The following ANK3 variants were observed in gnomAD, a reference collection of about 807,000 sequenced individuals.
The protein encoded by ANK3 is ankyrin 3, also known as ankyrin-3.
In ANK3, 57 loss-of-function variants were observed where a neutral mutation model predicts 370.9. The ratio of observed to expected loss-of-function variants is 0.15; its 90% CI spans 0.12 to 0.19. ANK3 has a LOEUF of 0.19. Among genes scored for constraint, ANK3 ranks in the 10% least tolerant of loss-of-function variants. The pLI is 1.00. For missense variants in ANK3, 4,439 were observed against 5,302.1 expected, an observed-to-expected ratio of 0.84 and a Z score of 5.06; for synonymous variants, 1,929 against 1,946.3, an observed-to-expected ratio of 0.99 and a Z score of 0.23.
chr10:60,692,358 C>T (rs1262603335), intron 1 of ANK3, among the ~76,000 whole-genome samples: 1 of 152,172 alleles, frequency 6.6e-6, no homozygotes, highest in African/African-American at 2.4e-5. Context: ...CATGGGCTGC[C>T]TCAAATGAGG....
intron 1 of ANK3, among the ~76,000 whole-genome samples, chr10:60,306,051 C>A (rs1220576755): frequency 6.6e-6 from 1 of 151,870 alleles, no homozygotes; most frequent in African/African-American, 2.4e-5. Flanking sequence ...TTAACTGAAC[C>A]CCTTCCTTTT....
rs1386316722 is a variant in ANK3 at position 60,075,652 on chromosome 10, T to C, written c.5229A>G (p.Glu1743=). The stretch of plus-strand genomic sequence containing the variant: ...CAGAGTTTGTAGCAGAAGAAATTTT[T>C]TCCTGTAACGTGGCAGTGGCTTTGC... ...NGCKATATLQ[E]KISSATNSVS... The change falls in exon 37 of 44, where the codon GAA becomes GAG. Residue 1743 remains glutamate (E), a synonymous_variant. Coordinates refer to ENST00000280772, the MANE Select transcript of ANK3 (RefSeq NM_020987.5). 1 of 1,614,140 alleles carries C rather than the reference T, an allele frequency of 6.2e-7. No individual in the cohort carries two copies. The highest frequency in any genetic ancestry group is 8.5e-7 in the Non-Finnish European group (1 of 1,179,994).
chr10:60,206,240 A>G (rs1246496442), intron 10 of ANK3, among the ~76,000 whole-genome samples: 1 of 152,172 alleles, frequency 6.6e-6, no homozygotes, highest in Non-Finnish European at 1.5e-5. Flanking sequence ...TGGGAGGCTG[A>G]GGTGGGTGGA....
intron 2 of ANK3, among the ~76,000 whole-genome samples, chr10:60,395,028 A>G (rs1455454285): frequency 6.6e-6 from 1 of 152,216 alleles, no homozygotes; most frequent in Non-Finnish European, 1.5e-5. Flanking sequence ...TAACTGGAGA[A>G]CTAAATATTT....
intron 1 of ANK3, among the ~76,000 whole-genome samples, chr10:60,298,052 G>T (rs1356642362): frequency 6.6e-6 from 1 of 151,932 alleles, no homozygotes; most frequent in Non-Finnish European, 1.5e-5. Flanking sequence ...TTTCTATTTG[G>T]CATTATAGGG....
chr10:60,310,099 A>AT (rs2046040701), intron 1 of ANK3, among the ~76,000 whole-genome samples: 1 of 151,586 alleles, frequency 6.6e-6, no homozygotes, highest in African/African-American at 2.4e-5. Context: ...CTAATTTTTT[A>AT]TTTTTTGTAG....
intron 2 of ANK3, among the ~76,000 whole-genome samples, chr10:60,490,234 A>C (rs1238095314): frequency 1.3e-5 from 2 of 152,158 alleles, no homozygotes; most frequent in Non-Finnish European, 2.9e-5. Flanking sequence ...TGGTTCTCAG[A>C]GTCTTATCTA....
At chr10:60,043,618 A>C in intron 42 of ANK3, 1 of 985,416 alleles carries the variant, frequency 1.0e-6, no homozygotes, top group Non-Finnish European at 1.2e-6. Context: ...AACATACTGG[A>C]AAGAGAAAAT....
At chr10:60,173,224 T>C in intron 18 of ANK3, 38 bp from the exon 19 acceptor site, 2 of 1,477,286 alleles carry the variant, frequency 1.4e-6, no homozygotes, top group Non-Finnish European at 1.9e-6. Flanking sequence ...AGCATCATAA[T>C]TACACTTTTA....
chr10:60,315,507 A>T lies in ANK3; in HGVS notation c.115-35868T>A, dbSNP rs77229279. Reference sequence around the variant, plus strand: ...TTCAAGCACTTATCAACTAAAAAGTAAAAACGGTCCAGAATCACTGATTCT... The same window carrying T: ...TTCAAGCACTTATCAACTAAAAAGTTAAAACGGTCCAGAATCACTGATTCT... On this transcript the variant is annotated intron_variant, in intron 1 of 43. Transcript: ENST00000280772. Among the ~76,000 whole-genome samples, 45 of 152,294 alleles carry T rather than the reference A, an allele frequency of 3.0e-4. 1 individual carries two copies. In the East Asian group the frequency reaches 7.0e-3, roughly 24 times the overall value.
chr10:60,397,121 T>C (rs553073555), intron 2 of ANK3, among the ~76,000 whole-genome samples: 4 of 151,016 alleles, frequency 2.6e-5, no homozygotes, highest in Admixed American at 6.6e-5. Context: ...GAGCAGCACA[T>C]ATAAGAAAGC....
intron 2 of ANK3, among the ~76,000 whole-genome samples, chr10:60,439,670 T>C (rs2064248289): frequency 6.6e-6 from 1 of 152,186 alleles, no homozygotes. Flanking sequence ...AAACACTAGA[T>C]GGAGGTGGTT....
At chr10:60,290,856 TA>T (rs1046189128) in intron 1 of ANK3, among the ~76,000 whole-genome samples, 4 of 151,994 alleles carry the variant, frequency 2.6e-5, no homozygotes, top group South Asian at 2.1e-4. Context: ...GGGAACCAGT[TA>T]AAAAAAATAC....
Position 60,069,718 on chromosome 10 carries a change from A to G in ANK3, c.11163T>C (p.Pro3721=), listed in dbSNP as rs764255374. 2 of 1,613,396 alleles carry G rather than the reference A, an allele frequency of 1.2e-6. No individual in the cohort carries two copies. Among genetic ancestry groups the G allele is most frequent in the African/African-American group, 2.7e-5 (2 of 74,796 alleles). The change falls in exon 37 of 44, where the codon CCT becomes CCC. Residue 3721 remains proline (P), a synonymous_variant. Transcript: ENST00000280772. The part of the protein sequence containing the change: ...TSKVDPKLRT[P]IKMGISASTM... ...TGGATGCAGAAATTCCCATTTTTAT[A>G]GGCGTGCGCAACTTGGGGTCAACTT... is the stretch of plus-strand genomic sequence containing the variant.
intron 1 of ANK3, among the ~76,000 whole-genome samples, chr10:60,699,704 AG>A (rs2079520569): frequency 6.6e-6 from 1 of 152,136 alleles, no homozygotes; most frequent in Non-Finnish European, 1.5e-5. Flanking sequence ...TATACATTTA[AG>A]GAGAGAAGAA....
intron 2 of ANK3, among the ~76,000 whole-genome samples, chr10:60,503,230 A>G (rs1218257532): frequency 2.0e-5 from 3 of 152,220 alleles, no homozygotes; most frequent in Admixed American, 6.5e-5. Context: ...AGCCAAAGAA[A>G]TCTAAACTCT....
intron 2 of ANK3, among the ~76,000 whole-genome samples, chr10:60,454,536 A>C (rs1233171612): frequency 6.6e-6 from 1 of 152,098 alleles, no homozygotes; most frequent in Non-Finnish European, 1.5e-5. Context: ...ATAGGGAAGA[A>C]GGCCAGGACA....
At chr10:60,040,905 GA>G (rs993846127) in intron 43 of ANK3, among the ~76,000 whole-genome samples, 1 of 152,090 alleles carries the variant, frequency 6.6e-6, no homozygotes, top group African/African-American at 2.4e-5. Flanking sequence ...ATAAATAGAC[GA>G]ATTCAAGATA....
At chr10:60,258,259 G>A (rs552273866) in intron 7 of ANK3, among the ~76,000 whole-genome samples, 18 of 152,312 alleles carry the variant, frequency 1.2e-4, no homozygotes, top group African/African-American at 3.6e-4. Flanking sequence ...GAATGCTGAC[G>A]CTGCATTGCA....
Sources: gnomAD v4.1 joint callset for allele counts (sites outside exome capture counted in the v4.1 genomes callset) on GRCh38, gnomAD v4.1.1 for gene constraint, MANE v1.5 for transcripts, NCBI Gene and HGNC (gene_info 2026-07-23, HGNC 2026-07-21) for gene names.